The following ATG7 variants were observed in gnomAD, a reference collection of about 807,000 sequenced individuals.
ATG7 encodes the protein autophagy related 7.
In ATG7, 70 loss-of-function variants were observed where a neutral mutation model predicts 82.4. The observed-to-expected ratio is 0.85, with a 90% CI of 0.70 to 1.04. The LOEUF (loss-of-function observed/expected upper bound fraction) is 1.04. ATG7 is among the 50% of genes least tolerant of loss of function. The pLI, the probability that ATG7 is intolerant of heterozygous loss-of-function variation, is 0.00. For missense variants in ATG7, 792 were observed against 864.3 expected, an observed-to-expected ratio of 0.92 and a Z score of 1.05; for synonymous variants, 287 against 313.0, an observed-to-expected ratio of 0.92 and a Z score of 0.88.
downstream of ATG7, among the ~76,000 whole-genome samples, chr3:11,562,028 G>C (rs982620236): frequency 6.6e-6 from 1 of 151,492 alleles, no homozygotes; most frequent in African/African-American, 2.4e-5. Flanking sequence ...CTCCCGAGTA[G>C]CTGGGATTAC....
At position 11,277,904 on chromosome 3, in the gene ATG7, C is replaced by CA. The variant is rs1553596509; in HGVS notation, c.-365-3089dup. 1.1e-4 allele frequency among the ~76,000 whole-genome samples: 14 copies of CA among 132,704 alleles called. 1 individual carries two copies. Among genetic ancestry groups the CA allele is most frequent in the Non-Finnish European group, 1.8e-4 (11 of 61,706 alleles). The allele number at this position is 132,704 out of a possible 152,430, so 87.1% of individuals were successfully genotyped here. On this transcript the variant is annotated intron_variant, in intron 1 of 20. Transcript: ENST00000693202. Reference sequence around the variant, plus strand: ...GGCCCTTTATAGACCCCCCCCCCCCCACCAGGAATGCATTCCTTTCCCAGG... The same window carrying CA: ...GGCCCTTTATAGACCCCCCCCCCCCCAACCAGGAATGCATTCCTTTCCCAGG...
chr3:11,398,939 A>AT (rs1251388083), intron 19 of ATG7, among the ~76,000 whole-genome samples: 1 of 152,260 alleles, frequency 6.6e-6, no homozygotes, highest in Admixed American at 6.5e-5. Context: ...AAATGCAAAC[A>AT]AGTAGAAGGT....
At position 11,556,301 on chromosome 3, in the gene ATG7, TTGGTTTTC is replaced by T. The variant is rs1442450689; in HGVS notation, c.*1461_*1468del. 6.6e-6 allele frequency: 1 copy of T among 152,600 alleles called. No individual in the cohort carries two copies. 9.5% of individuals were successfully genotyped at this position (152,600 alleles called of 1,614,324 possible). A position where few individuals can be genotyped will look rare whatever the true frequency, so the allele number is the denominator to read the frequency against. Reference sequence around the variant, plus strand: ...GGAGGGGGCTTTCTCAGTGAAATGTTTGGTTTTCTGCTGCCTCCTCTGCCCCAGGCCCC... The same window carrying T: ...GGAGGGGGCTTTCTCAGTGAAATGTTTGCTGCCTCCTCTGCCCCAGGCCCC... On this transcript the variant is annotated 3_prime_UTR_variant, in exon 21 of 21. Transcript: ENST00000693202.
chr3:11,416,841 A>G (rs1219751878), intron 19 of ATG7, among the ~76,000 whole-genome samples: 1 of 152,142 alleles, frequency 6.6e-6, no homozygotes. Context: ...TCAGTGATAC[A>G]GATTTCTGTC....
intron 11 of ATG7, among the ~76,000 whole-genome samples, chr3:11,337,496 A>AT (rs1952731355): frequency 6.6e-6 from 1 of 151,624 alleles, no homozygotes; most frequent in South Asian, 2.1e-4. Context: ...CTCTATATAT[A>AT]TATATATAAT....
rs1559839516 is a variant in ATG7, at chr3:11,556,066, ATG to A, written c.*1226_*1227del. 1 of 152,724 alleles carries A rather than the reference ATG, an allele frequency of 6.5e-6. No homozygotes were observed. The highest frequency in any genetic ancestry group is 1.5e-5 in the Non-Finnish European group (1 of 68,030). The allele number at this position is 152,724 out of a possible 1,614,324, so 9.5% of individuals were successfully genotyped here. On this transcript the variant is annotated 3_prime_UTR_variant, in exon 21 of 21. Transcript: ENST00000693202. ...GGCGCTGAAACTGCACACGTACACT[ATG>A]TGGTTTAAGAGCACTTTATTATTGT...
intron 20 of ATG7, among the ~76,000 whole-genome samples, chr3:11,495,456 A>AC (rs35226130): frequency 0.21 from 31,491 of 151,858 alleles, 3,718 homozygotes; most frequent in South Asian, 0.34. Flanking sequence ...GCTGGCAGAG[A>AC]CCCCCAGACA....
At chr3:11,501,383 A>G (rs976341654) in intron 20 of ATG7, among the ~76,000 whole-genome samples, 2 of 152,254 alleles carry the variant, frequency 1.3e-5, no homozygotes, top group African/African-American at 4.8e-5. Context: ...AGTAGATACT[A>G]GCTGTTATTA....
rs67206280 is a variant in ATG7, at chr3:11,439,069, C to CTTTTTTTTTTTTT, written c.2079+12148_2079+12160dup. 4.9e-5 allele frequency among the ~76,000 whole-genome samples: 6 copies of CTTTTTTTTTTTTT among 121,976 alleles called. 1 individual carries two copies. Among genetic ancestry groups the CTTTTTTTTTTTTT allele is most frequent in the Admixed American group, 2.8e-4 (3 of 10,808 alleles). The allele number at this position is 121,976 out of a possible 152,430, so 80.0% of individuals were successfully genotyped here. On this transcript the variant is annotated intron_variant, in intron 20 of 20. Coordinates refer to ENST00000693202, the MANE Select transcript of ATG7 (RefSeq NM_001349232.2). ...TATTTTCTTTTTCTTTTCTTTCTTT[C>CTTTTTTTTTTTTT]TTTTTTTTTTTTTTTTTGAGACAGA...
chr3:11,488,327 C>T lies in ATG7; in HGVS notation c.2079+61401C>T, dbSNP rs1363089781. 7.4e-5 allele frequency: 27 copies of T among 365,932 alleles called. 1 individual carries two copies. The highest frequency in any genetic ancestry group is 5.7e-4 in the East Asian group (11 of 19,328). The allele number at this position is 365,932 out of a possible 1,614,324, so 22.7% of individuals were successfully genotyped here. A position where few individuals can be genotyped will look rare whatever the true frequency, so the allele number is the denominator to read the frequency against. On this transcript the variant is annotated intron_variant, in intron 20 of 20. Coordinates refer to ENST00000693202, the MANE Select transcript of ATG7 (RefSeq NM_001349232.2). ...CCTTGCCCTCGGGCCCCGCGGGGTC[C>T]GTCCGCTCCTCCAGCCGCTGCCTCC...
At chr3:11,521,559 T>G (rs1464234237) in intron 20 of ATG7, among the ~76,000 whole-genome samples, 14 of 4,770 alleles carry the variant, frequency 2.9e-3, no homozygotes, top group East Asian at 0.023. Context: ...GTTTTTTTGT[T>G]TTTTTTTTTT....
At chr3:11,436,472 T>C (rs893758643) in intron 20 of ATG7, among the ~76,000 whole-genome samples, 1 of 152,180 alleles carries the variant, frequency 6.6e-6, no homozygotes, top group Non-Finnish European at 1.5e-5. Context: ...CCTAGATATA[T>C]ACCCAAGGCT....
chr3:11,554,361 G>C lies in ATG7; in HGVS notation c.2080-450G>C, dbSNP rs368832246. Among the ~76,000 whole-genome samples the C allele has an allele frequency of 1.1e-4, 17 of 152,322 alleles. No individual in the cohort carries two copies. The East Asian group carries it at 3.1e-3, about 28-fold the overall frequency. On this transcript the variant is annotated intron_variant, in intron 20 of 20. Transcript: ENST00000693202. ...CTACAGTTAGAGGGAACATGGAGCA[G>C]GTGCCCAGGGTGCAGCCTCCCAAGG...
intron 20 of ATG7, among the ~76,000 whole-genome samples, chr3:11,472,201 A>G (rs1346451672): frequency 2.6e-5 from 4 of 152,156 alleles, no homozygotes; most frequent in African/African-American, 9.7e-5. Context: ...ACTAGATCCA[A>G]GTTTTTAAAA....
At chr3:11,374,921 A>G (rs796101119) in intron 18 of ATG7, among the ~76,000 whole-genome samples, 1 of 133,404 alleles carries the variant, frequency 7.5e-6, no homozygotes, top group Non-Finnish European at 1.6e-5. Flanking sequence ...AAAAAAAAAA[A>G]GTCTGGGCAT....
intron 20 of ATG7, among the ~76,000 whole-genome samples, chr3:11,472,677 A>AC (rs2087682831): frequency 6.6e-6 from 1 of 152,098 alleles, no homozygotes; most frequent in South Asian, 2.1e-4. Flanking sequence ...GGTATGATAG[A>AC]CCCCAAGCAG....
chr3:11,453,820 G>A (rs369652535), intron 20 of ATG7, among the ~76,000 whole-genome samples: 1 of 152,076 alleles, frequency 6.6e-6, no homozygotes, highest in Non-Finnish European at 1.5e-5. Flanking sequence ...TGCAAGGGGT[G>A]GGGGGGACAT....
chr3:11,521,400 G>A (rs897215011), intron 20 of ATG7, among the ~76,000 whole-genome samples: 1 of 152,118 alleles, frequency 6.6e-6, no homozygotes, highest in East Asian at 1.9e-4. Context: ...GGTATGTGGT[G>A]GTGGAGAAAA....
At chr3:11,414,362 A>C (rs2081182690) in intron 19 of ATG7, among the ~76,000 whole-genome samples, 1 of 152,198 alleles carries the variant, frequency 6.6e-6, no homozygotes, top group Non-Finnish European at 1.5e-5. Context: ...CACCGTGCCC[A>C]GCCTAGTCTT....
Sources: allele counts gnomAD v4.1 joint callset (sites outside exome capture counted in the v4.1 genomes callset), GRCh38; gene constraint gnomAD v4.1.1; transcripts MANE v1.5; gene names NCBI Gene and HGNC (gene_info 2026-07-23, HGNC 2026-07-21).